POC1B: variants seen among roughly 807,000 people sequenced by gnomAD.
POC1B encodes POC1 centriolar protein homolog B.
A neutral mutation model predicts 60.6 loss-of-function variants in POC1B; 44 were observed. The ratio of observed to expected loss-of-function variants is 0.73; its 90% confidence interval spans 0.57 to 0.93. The LOEUF (loss-of-function observed/expected upper bound fraction) is 0.93, where lower values mean the gene tolerates loss of function less well. Among genes scored for constraint, POC1B ranks in the 40% least tolerant of loss-of-function variants. The pLI, the probability that POC1B is intolerant of heterozygous loss-of-function variation, is 0.00. For missense variants in POC1B, 555 were observed against 572.3 expected (o/e 0.97, Z 0.31); for synonymous variants, 180 against 198.9 (o/e 0.90, Z 0.80).
intron 10 of POC1B, among the ~76,000 whole-genome samples, chr12:89,443,012 T>C (rs1226135768): frequency 6.6e-6 from 1 of 152,136 alleles, no homozygotes; most frequent in African/African-American, 2.4e-5. Context: ...AAGAAGGCCA[T>C]TACATAATGG....
At chr12:89,472,318 G>A (rs1233211102) in intron 4 of POC1B, 43 bp from the exon 5 acceptor site, 3 of 1,302,502 alleles carry the variant, frequency 2.3e-6, no homozygotes, top group East Asian at 2.4e-5. Flanking sequence ...GAAAGGCTCT[G>A]GAGAGTCACC....
chr12:89,426,823 C>CAAAAAAAAA (rs74852976), intron 10 of POC1B: 1 of 93,326 alleles, frequency 1.1e-5, no homozygotes, highest in Non-Finnish European at 2.2e-5. Context: ...GGCCATGTTT[C>CAAAAAAAAA]AAAAAAAAAA....
At chr12:89,479,589 C>T (rs2162678) in intron 4 of POC1B, among the ~76,000 whole-genome samples, 43,057 of 151,812 alleles carry the variant, frequency 0.28, 6,577 homozygotes, top group Non-Finnish European at 0.35. Flanking sequence ...TAGATTATAA[C>T]AAAGGTTAGT....
intron 2 of POC1B, among the ~76,000 whole-genome samples, chr12:89,503,138 C>T (rs1869674414): frequency 6.6e-6 from 1 of 152,046 alleles, no homozygotes; most frequent in Non-Finnish European, 1.5e-5. Context: ...CTCTCCCTCT[C>T]TTTCCACAGT....
chr12:89,518,589 C>A (rs554397931), intron 2 of POC1B, among the ~76,000 whole-genome samples: 1 of 152,160 alleles, frequency 6.6e-6, no homozygotes, highest in African/African-American at 2.4e-5. Context: ...ATTTGCACAA[C>A]TTTTATCACA....
rs1440795111 is a variant in POC1B, at chr12:89,471,682, G to GA, written c.607dup (p.Ser203PhefsTer5). 6.2e-7 allele frequency: 1 copy of GA among 1,611,192 alleles called. No homozygotes were observed. Among genetic ancestry groups the GA allele is most frequent in the African/African-American group, 1.3e-5 (1 of 74,754 alleles). ...TTTCACAGTTTGATCAGAACCTGCT[G>GA]AAGCTATGCATGTACCACTAGGGTT... On this transcript the variant is annotated frameshift_variant, in exon 6 of 12. Coordinates refer to ENST00000313546, the MANE Select transcript of POC1B (RefSeq NM_172240.3). LOFTEE classifies it high-confidence loss of function.
the POC1B span, among the ~76,000 whole-genome samples, chr12:89,407,285 T>A: frequency 6.6e-6 from 1 of 150,606 alleles, no homozygotes; most frequent in East Asian, 2.0e-4. Context: ...CAGGCTGGAG[T>A]ACAGTGGCAC....
At chr12:89,525,677 C>A in intron 1 of POC1B, 1 of 1,247,582 alleles carries the variant, frequency 8.0e-7, no homozygotes, top group East Asian at 3.0e-5. Flanking sequence ...GGAAGAGCGT[C>A]CGGGAGCCGG....
At chr12:89,432,481 G>A (rs936492705) in intron 10 of POC1B, among the ~76,000 whole-genome samples, 1 of 150,420 alleles carries the variant, frequency 6.6e-6, no homozygotes, top group Non-Finnish European at 1.5e-5. Flanking sequence ...AGATTCTGGG[G>A]ATGAAGACAT....
Position 89,495,754 on chromosome 12 carries a change from C to T in POC1B, c.272+1417G>A, listed in dbSNP as rs985803159. 4.6e-5 allele frequency among the ~76,000 whole-genome samples: 7 copies of T among 151,616 alleles called. No individual in the cohort carries two copies. In the South Asian group the frequency reaches 1.0e-3, roughly 23 times the overall value. On this transcript the variant is annotated intron_variant, in intron 3 of 11. Transcript: ENST00000313546. The stretch of plus-strand genomic sequence containing the variant: ...TATTACATTTATTGTGTACTTTATT[C>T]GTATTATTATTATTATTATTATTGA...
At chr12:89,433,014 C>G (rs933889842) in intron 10 of POC1B, among the ~76,000 whole-genome samples, 4 of 152,150 alleles carry the variant, frequency 2.6e-5, no homozygotes, top group Admixed American at 2.6e-4. Flanking sequence ...CAGGAGGAAA[C>G]AGTGATCACC....
At chr12:89,439,726 C>G (rs975088900) in intron 10 of POC1B, among the ~76,000 whole-genome samples, 4 of 152,182 alleles carry the variant, frequency 2.6e-5, no homozygotes, top group African/African-American at 9.7e-5. Flanking sequence ...GCCTCAGCCT[C>G]CTGAGTAGCT....
At chr12:89,450,821 A>G (rs560619846) in intron 10 of POC1B, among the ~76,000 whole-genome samples, 80 of 152,306 alleles carry the variant, frequency 5.3e-4, no homozygotes, top group African/African-American at 1.9e-3. Context: ...TTGTATGTAT[A>G]TCTTATTATT....
At chr12:89,467,711 A>G in intron 7 of POC1B, 26 bp from the exon 8 acceptor site, 1 of 1,566,076 alleles carries the variant, frequency 6.4e-7, no homozygotes, top group Non-Finnish European at 8.8e-7. Context: ...AAATAAAGAA[A>G]AAAAGTACTT....
intron 9 of POC1B, chr12:89,460,011 C>T (rs1167703184): frequency 2.4e-6 from 1 of 414,828 alleles, no homozygotes; most frequent in Non-Finnish European, 4.7e-6. Context: ...AATAAAATGA[C>T]CCACCTCAAA....
rs1477821386 is a variant in POC1B at position 89,466,925 on chromosome 12, A to G, written c.880-3T>C. On this transcript the variant is annotated splice_region_variant and splice_polypyrimidine_tract_variant and intron_variant, in intron 8 of 11. Coordinates refer to ENST00000313546, the MANE Select transcript of POC1B (RefSeq NM_172240.3). The stretch of plus-strand genomic sequence containing the variant: ...AAGTTAGTCCTCCATAATAAGACCT[A>G]TGAAAAAAGTCAATGATGTTGGCAG... 3 of 1,605,284 alleles carry G rather than the reference A, an allele frequency of 1.9e-6. No individual in the cohort carries two copies. Among genetic ancestry groups the G allele is most frequent in the Non-Finnish European group, 2.6e-6 (3 of 1,175,346 alleles).
At position 89,525,938 on chromosome 12, in the gene POC1B, C is replaced by A; in HGVS notation, c.-43G>T. 6.5e-7 allele frequency: 1 copy of A among 1,530,044 alleles called. No homozygotes were observed. Among genetic ancestry groups the A allele is most frequent in the East Asian group, 2.5e-5 (1 of 40,110 alleles). 94.8% of individuals were successfully genotyped at this position (1,530,044 alleles called of 1,614,324 possible). On this transcript the variant is annotated 5_prime_UTR_variant, in exon 1 of 12. Transcript: ENST00000313546. ...CAAGGCTCCTGTGGGTGGGGGAACC[C>A]GGAGAGGGGAGGGGAGAGGATGGGG... is the stretch of plus-strand genomic sequence containing the variant.
In POC1B at chr12:89,496,940, A is replaced by T. The variant is rs988229069; in HGVS notation, c.272+231T>A. 10 of 483,074 alleles carry T rather than the reference A, an allele frequency of 2.1e-5. No individual in the cohort carries two copies. In the Admixed American group the frequency reaches 3.4e-4, roughly 17 times the overall value. 29.9% of individuals were successfully genotyped at this position (483,074 alleles called of 1,614,324 possible). On this transcript the variant is annotated intron_variant, in intron 3 of 11. Coordinates refer to ENST00000313546, the MANE Select transcript of POC1B (RefSeq NM_172240.3). ...ATAGCTACCACTACTCCCTCAAAAA[A>T]ACTTAGACATATTAAGCATATTTCC...
At chr12:89,404,700 G>A in the POC1B span, among the ~76,000 whole-genome samples, 1 of 151,988 alleles carries the variant, frequency 6.6e-6, no homozygotes, top group Non-Finnish European at 1.5e-5. Flanking sequence ...GCTCTTCCTG[G>A]GTTGCCACAA....
Sources: allele counts gnomAD v4.1 joint callset (sites outside exome capture counted in the v4.1 genomes callset), GRCh38; gene constraint gnomAD v4.1.1; transcripts MANE v1.5; gene names NCBI Gene and HGNC (gene_info 2026-07-23, HGNC 2026-07-21).